The following DCC variants were observed in gnomAD, a reference collection of about 807,000 sequenced individuals.
The protein encoded by DCC is netrin receptor DCC.
A neutral mutation model predicts 172.5 loss-of-function variants in DCC; 58 were observed. That is an observed-to-expected ratio of 0.34 (90% CI 0.27 to 0.42). The LOEUF is 0.42. Ranked by LOEUF, DCC falls within the 10% of genes least tolerant of loss-of-function variation. DCC has a pLI of 1.00. For synonymous variants in DCC, 709 were observed against 644.5 expected, an observed-to-expected ratio of 1.10 and a Z score of -1.52; for missense variants, 1,740 against 1,791.0, an observed-to-expected ratio of 0.97 and a Z score of 0.51.
chr18:53,535,517 T>C lies in DCC; in HGVS notation c.*4864T>C, dbSNP rs1230239498. 3 of 152,228 alleles carry C rather than the reference T, an allele frequency of 2.0e-5. No individual in the cohort carries two copies. The highest frequency in any genetic ancestry group is 4.4e-5 in the Non-Finnish European group (3 of 68,034). The allele number at this position is 152,228 out of a possible 1,614,324, so 9.4% of individuals were successfully genotyped here. A position where few individuals can be genotyped will look rare whatever the true frequency, so the allele number is the denominator to read the frequency against. ...CTCAAACAGATTGTTAGTGTGCTAG[T>C]GATAAGTTTATTTGGTAGAAATGGG... On this transcript the variant is annotated 3_prime_UTR_variant, in exon 29 of 29. Transcript: ENST00000442544.
At chr18:52,856,625 C>CAAA (rs11426617) in intron 2 of DCC, among the ~76,000 whole-genome samples, 1,249 of 82,674 alleles carry the variant, frequency 0.015, 61 homozygotes, top group Non-Finnish European at 0.018. Context: ...GACTCCATCT[C>CAAA]AAAAAAAAAA....
chr18:53,494,464 A>G (rs570920693), intron 26 of DCC, among the ~76,000 whole-genome samples: 1 of 152,284 alleles, frequency 6.6e-6, no homozygotes, highest in Admixed American at 6.5e-5. Flanking sequence ...TTGTAGGTCT[A>G]TAAGAACTTG....
At chr18:52,827,957 A>C (rs2038541599) in intron 2 of DCC, among the ~76,000 whole-genome samples, 1 of 151,940 alleles carries the variant, frequency 6.6e-6, no homozygotes. Context: ...TGAAATTTAT[A>C]GTAGTAGTTT....
intron 19 of DCC, among the ~76,000 whole-genome samples, chr18:53,409,503 A>G (rs987113799): frequency 3.3e-5 from 5 of 152,346 alleles, no homozygotes; most frequent in South Asian, 2.1e-4. Flanking sequence ...TTGTTTATCA[A>G]TGACACCTAT....
chr18:52,999,815 C>A (rs1035124901), intron 5 of DCC, among the ~76,000 whole-genome samples: 1 of 151,960 alleles, frequency 6.6e-6, no homozygotes, highest in East Asian at 1.9e-4. Context: ...ATGTTGAAGT[C>A]CTGACCCCTA....
At chr18:52,407,142 A>G (rs997256684) in intron 1 of DCC, among the ~76,000 whole-genome samples, 5 of 151,992 alleles carry the variant, frequency 3.3e-5, no homozygotes, top group African/African-American at 1.2e-4. Flanking sequence ...ATTATTAACA[A>G]CCACTTATTT....
At chr18:52,547,406 C>A (rs1267807011) in intron 1 of DCC, among the ~76,000 whole-genome samples, 1 of 152,076 alleles carries the variant, frequency 6.6e-6, no homozygotes, top group Non-Finnish European at 1.5e-5. Context: ...TCCACTCATT[C>A]CACTCCCTCA....
chr18:53,471,058 G>C (rs2045689998), intron 25 of DCC, among the ~76,000 whole-genome samples: 2 of 152,062 alleles, frequency 1.3e-5, no homozygotes, highest in Non-Finnish European at 2.9e-5. Flanking sequence ...CACCTTCACT[G>C]TTTTGCCCTT....
At chr18:52,349,227 A>T (rs1461419831) in intron 1 of DCC, among the ~76,000 whole-genome samples, 2 of 152,214 alleles carry the variant, frequency 1.3e-5, no homozygotes, top group South Asian at 4.1e-4. Context: ...ACCTGCTCCC[A>T]TGGGACAGGC....
At chr18:53,263,660 A>T (rs988961975) in intron 12 of DCC, among the ~76,000 whole-genome samples, 1 of 152,154 alleles carries the variant, frequency 6.6e-6, no homozygotes, top group African/African-American at 2.4e-5. Flanking sequence ...TTAGACATAA[A>T]TATTACGGAA....
At chr18:52,797,395 G>A (rs892588984) in intron 2 of DCC, among the ~76,000 whole-genome samples, 1 of 152,152 alleles carries the variant, frequency 6.6e-6, no homozygotes, top group Non-Finnish European at 1.5e-5. Flanking sequence ...TTTATGGATA[G>A]GCCTTTGTAA....
intron 7 of DCC, among the ~76,000 whole-genome samples, chr18:53,117,432 C>T (rs143177304): frequency 2.6e-5 from 4 of 151,838 alleles, no homozygotes; most frequent in South Asian, 2.1e-4. Context: ...TCATCCTCCA[C>T]CCTTTCTTTT....
At chr18:52,662,772 G>A (rs932277878) in intron 1 of DCC, among the ~76,000 whole-genome samples, 1 of 152,202 alleles carries the variant, frequency 6.6e-6, no homozygotes, top group African/African-American at 2.4e-5. Context: ...AGCATAAACT[G>A]AGTGGCTTAC....
At chr18:52,574,569 G>T (rs1439021999) in intron 1 of DCC, among the ~76,000 whole-genome samples, 1 of 152,160 alleles carries the variant, frequency 6.6e-6, no homozygotes, top group Non-Finnish European at 1.5e-5. Context: ...TATAAAGCCA[G>T]ACTGATTTAA....
At chr18:53,120,556 TTTGAATTTA>T (rs2043469522) in intron 7 of DCC, among the ~76,000 whole-genome samples, 1 of 151,772 alleles carries the variant, frequency 6.6e-6, no homozygotes, top group African/African-American at 2.4e-5. Flanking sequence ...AACAAAACTG[TTTGAATTTA>T]CAAAAAAATC....
intron 12 of DCC, among the ~76,000 whole-genome samples, chr18:53,299,464 G>C (rs936906619): frequency 6.6e-6 from 1 of 152,068 alleles, no homozygotes; most frequent in African/African-American, 2.4e-5. Flanking sequence ...GATATTTCCT[G>C]TTTTAAATAC....
chr18:52,704,520 T>A (rs1225347778), intron 1 of DCC, among the ~76,000 whole-genome samples: 1 of 152,194 alleles, frequency 6.6e-6, no homozygotes, highest in African/African-American at 2.4e-5. Context: ...ATCCTGAAAG[T>A]TTATATTTTA....
At chr18:53,204,624 T>G (rs2055596601) in intron 9 of DCC, among the ~76,000 whole-genome samples, 1 of 152,116 alleles carries the variant, frequency 6.6e-6, no homozygotes, top group African/African-American at 2.4e-5. Flanking sequence ...GACAAGTTAT[T>G]TATCCTTCTT....
intron 22 of DCC, among the ~76,000 whole-genome samples, chr18:53,449,042 A>G (rs2045372830): frequency 6.6e-6 from 1 of 152,232 alleles, no homozygotes; most frequent in African/African-American, 2.4e-5. Context: ...AACTGCACAC[A>G]ATAAGTATTA....
Sources: allele counts gnomAD v4.1 joint callset (sites outside exome capture counted in the v4.1 genomes callset), GRCh38; gene constraint gnomAD v4.1.1; transcripts MANE v1.5; gene names NCBI Gene and HGNC (gene_info 2026-07-23, HGNC 2026-07-21).